HFM1: variants seen among roughly 807,000 people sequenced by gnomAD.
The protein encoded by HFM1 is helicase for meiosis 1.
HFM1 carries 169 observed loss-of-function variants against 192.1 expected under a neutral mutation model. The observed-to-expected ratio is 0.88, with a 90% confidence interval of 0.78 to 1.00. The LOEUF is 1.00. Ranked by LOEUF, HFM1 falls within the 50% of genes least tolerant of loss-of-function variation. The pLI is 0.00. For missense variants in HFM1, 1,661 were observed against 1,668.0 expected, an observed-to-expected ratio of 1.00 and a Z score of 0.07; for synonymous variants, 525 against 537.8, an observed-to-expected ratio of 0.98 and a Z score of 0.33.
chr1:91,326,751 T>G (rs1442402448), intron 20 of HFM1, among the ~76,000 whole-genome samples: 1 of 138,166 alleles, frequency 7.2e-6, no homozygotes, highest in African/African-American at 2.8e-5. Context: ...GTGTGTAAAC[T>G]TCTCTTGACT....
At chr1:91,316,748 A>G (rs564045267) in intron 25 of HFM1, among the ~76,000 whole-genome samples, 1 of 152,304 alleles carries the variant, frequency 6.6e-6, no homozygotes, top group South Asian at 2.1e-4. Context: ...GTTCTACTAT[A>G]CGTCATCCAT....
At position 91,262,297 on chromosome 1, in the gene HFM1, A is replaced by G. The variant is rs766258698; in HGVS notation, c.4182T>C (p.Tyr1394=). The change falls in exon 38 of 39, where the codon TAT becomes TAC. Residue 1394 remains tyrosine, a synonymous_variant. Coordinates refer to ENST00000370425, the MANE Select transcript of HFM1 (RefSeq NM_001017975.6). ...TTCTAATAAAAAAATCCACTTTTTT[A>G]TAATTTGAAGAATTTGGGTTTTTTT... ...FSEKNPNSSN[Y]KKVDFFIRNS... 1.2e-5 allele frequency: 18 copies of G among 1,495,528 alleles called. No homozygotes were observed. Among genetic ancestry groups the G allele is most frequent in the Non-Finnish European group, 1.6e-5 (18 of 1,095,020 alleles). The allele number at this position is 1,495,528 out of a possible 1,614,324, so 92.6% of individuals were successfully genotyped here.
At chr1:91,287,909 A>G (rs1668210182) in intron 30 of HFM1, among the ~76,000 whole-genome samples, 1 of 152,228 alleles carries the variant, frequency 6.6e-6, no homozygotes. Flanking sequence ...AAGAAAGGGT[A>G]TCAGCGATGG....
intron 13 of HFM1, among the ~76,000 whole-genome samples, chr1:91,368,157 A>C (rs1293002789): frequency 6.6e-6 from 1 of 152,266 alleles, no homozygotes; most frequent in Non-Finnish European, 1.5e-5. Context: ...AATGGAACCA[A>C]GTTGGAAAAC....
In HFM1 at chr1:91,319,114, T is replaced by G; in HGVS notation, c.2776A>C (p.Asn926His). The change falls in exon 25 of 39, where the codon AAC (asparagine) becomes CAC (histidine). Residue 926 changes from asparagine to histidine, a missense_variant. Transcript: ENST00000370425. ...AKCFRCKLWE[N>H]SLHVSKQLEK... Reference sequence around the variant, plus strand: ...AGTTGTTTGGATACATGCAGAGAGTTTTCCCAAAGTTTACACCTAAAACAT... The same window carrying G: ...AGTTGTTTGGATACATGCAGAGAGTGTTCCCAAAGTTTACACCTAAAACAT... 1.2e-6 allele frequency: 2 copies of G among 1,609,546 alleles called. No individual in the cohort carries two copies. The highest frequency in any genetic ancestry group is 1.7e-6 in the Non-Finnish European group (2 of 1,178,820).
chr1:91,343,544 G>T, intron 19 of HFM1, 34 bp from the exon 20 acceptor site: 2 of 832,350 alleles, frequency 2.4e-6, no homozygotes, highest in Non-Finnish European at 3.7e-6. Flanking sequence ...TTTAATTTTA[G>T]TAAAATAGGG....
chr1:91,350,747 A>G lies in HFM1; in HGVS notation c.2197T>C (p.Ser733Pro). 6.2e-7 allele frequency: 1 copy of G among 1,611,310 alleles called. No individual in the cohort carries two copies. The highest frequency in any genetic ancestry group is 8.5e-7 in the Non-Finnish European group (1 of 1,178,866). ...LLYIRALKNP[S>P]HYGFASGLNK... ...AGTCAAAGTAACAAACCATAATGAG[A>G]TGGATTTTTCAAGGCTCTGATATAA... The change falls in exon 18 of 39, where the codon TCT (serine) becomes CCT (proline). Residue 733 changes from serine to proline, a missense_variant. Ser to Pro is a moderately conservative substitution (Grantham distance 74). Transcript: ENST00000370425.
In HFM1 at chr1:91,328,665, C is replaced by T. The variant is rs193275976; in HGVS notation, c.2336-3899G>A. On this transcript the variant is annotated intron_variant, in intron 20 of 38. Transcript: ENST00000370425. Reference sequence around the variant, plus strand: ...GCACGCCACCACAGCACAAGTCAGGCGAGCTGGCCAAATGCAGTGAACTGC... The same window carrying T: ...GCACGCCACCACAGCACAAGTCAGGTGAGCTGGCCAAATGCAGTGAACTGC... 3.0e-4 allele frequency: 482 copies of T among 1,593,338 alleles called. 1 individual carries two copies. Among genetic ancestry groups the T allele is most frequent in the East Asian group, 5.8e-4 (26 of 44,742 alleles).
At chr1:91,407,890 T>A (rs1664859626), upstream of HFM1, among the ~76,000 whole-genome samples, 1 of 152,210 alleles carries the variant, frequency 6.6e-6, no homozygotes, top group Non-Finnish European at 1.5e-5. Context: ...CCACATCTTT[T>A]ACACCCTGAT....
chr1:91,354,926 C>CA (rs1311431446), intron 13 of HFM1, among the ~76,000 whole-genome samples: 1 of 152,066 alleles, frequency 6.6e-6, no homozygotes, highest in Non-Finnish European at 1.5e-5. Flanking sequence ...GAGGTAAATA[C>CA]ACAGTCAAAT....
chr1:91,299,407 C>G (rs148932331), intron 30 of HFM1, among the ~76,000 whole-genome samples: 14,621 of 152,130 alleles, frequency 0.096, 744 homozygotes, highest in East Asian at 0.16. Flanking sequence ...TATCCAGGAA[C>G]TGAACTCAGC....
rs577554402 is a variant in HFM1 at position 91,264,472 on chromosome 1, A to C, written c.3974+1545T>G. Reference sequence around the variant, plus strand: ...ACTGCAAGCTCCGCCTCCCGGGTTCACGCCATTCTCCTGCCTCAGCCTCCC... The same window carrying C: ...ACTGCAAGCTCCGCCTCCCGGGTTCCCGCCATTCTCCTGCCTCAGCCTCCC... On this transcript the variant is annotated intron_variant, in intron 36 of 38. Coordinates refer to ENST00000370425, the MANE Select transcript of HFM1 (RefSeq NM_001017975.6). Among the ~76,000 whole-genome samples the C allele has an allele frequency of 3.0e-3, 402 of 135,152 alleles. 6 individuals carry two copies. The highest frequency in any genetic ancestry group is 1.0e-3 in the Non-Finnish European group (67 of 65,438). 88.7% of individuals were successfully genotyped at this position (135,152 alleles called of 152,430 possible). A position where few individuals can be genotyped will look rare whatever the true frequency, so the allele number is the denominator to read the frequency against.
chr1:91,267,001 T>C (rs1005962149), intron 35 of HFM1, among the ~76,000 whole-genome samples: 30 of 152,128 alleles, frequency 2.0e-4, no homozygotes, highest in African/African-American at 6.5e-4. Flanking sequence ...AGGTGGGGTA[T>C]GGTAAGTGGT....
chr1:91,376,413 G>T (rs1261535123), intron 11 of HFM1, among the ~76,000 whole-genome samples: 1 of 151,924 alleles, frequency 6.6e-6, no homozygotes, highest in Non-Finnish European at 1.5e-5. Flanking sequence ...ACAGAGGGGA[G>T]CAGAAGGCCA....
Position 91,316,485 on chromosome 1 carries a change from A to C in HFM1, c.2813-9T>G. 7.7e-7 allele frequency: 1 copy of C among 1,304,100 alleles called. No homozygotes were observed. Among genetic ancestry groups the C allele is most frequent in the Non-Finnish European group, 1.0e-6 (1 of 954,358 alleles). 80.8% of individuals were successfully genotyped at this position (1,304,100 alleles called of 1,614,324 possible). On this transcript the variant is annotated splice_polypyrimidine_tract_variant and intron_variant, in intron 25 of 38. Transcript: ENST00000370425. ...ATTTGACAATGTTATACCTGTGGAA[A>C]ATTAATCAAACAACAACTTAAAAAT...
chr1:91,314,569 T>A (rs1401586785), intron 28 of HFM1, among the ~76,000 whole-genome samples: 2 of 152,292 alleles, frequency 1.3e-5, no homozygotes, highest in Admixed American at 1.3e-4. Context: ...CTAATTTTTT[T>A]AATTACAGCT....
At chr1:91,379,026 C>A in intron 9 of HFM1, 37 bp downstream of exon 9, 1 of 1,316,616 alleles carries the variant, frequency 7.6e-7, no homozygotes, top group South Asian at 1.7e-5. Flanking sequence ...TATTTTCTAA[C>A]AAACTAAAGA....
intron 20 of HFM1, chr1:91,329,562 C>T (rs1318720575): frequency 1.2e-5 from 15 of 1,293,728 alleles, no homozygotes; most frequent in Non-Finnish European, 1.6e-5. Context: ...GAATATTTGC[C>T]CTCTTGTACC....
chr1:91,329,003 C>T, intron 20 of HFM1: 2 of 1,612,522 alleles, frequency 1.2e-6, no homozygotes, highest in Non-Finnish European at 1.7e-6. Flanking sequence ...CCAGGAATTC[C>T]ACCTGAGCTG....
Sources: allele counts gnomAD v4.1 joint callset (sites outside exome capture counted in the v4.1 genomes callset), GRCh38; gene constraint gnomAD v4.1.1; transcripts MANE v1.5; gene names NCBI Gene and HGNC (gene_info 2026-07-23, HGNC 2026-07-21).